METAP1: variants seen among roughly 807,000 people sequenced by gnomAD.
The protein encoded by METAP1 is methionyl aminopeptidase 1, also known as methionine aminopeptidase 1.
A neutral mutation model predicts 53.8 loss-of-function variants in METAP1; 28 were observed. The observed-to-expected ratio is 0.52, with a 90% confidence interval of 0.39 to 0.71. The LOEUF (loss-of-function observed/expected upper bound fraction) is 0.71. Among genes scored for constraint, METAP1 ranks in the 30% least tolerant of loss-of-function variants. The pLI is 0.00. For synonymous variants in METAP1, 181 were observed against 165.7 expected (o/e 1.09, Z -0.71); for missense variants, 389 against 479.8 (o/e 0.81, Z 1.77).
chr4:99,022,726 GC>G lies in METAP1; in HGVS notation c.115-6140del, dbSNP rs112004235. 767 of 1,554,180 alleles carry G rather than the reference GC, an allele frequency of 4.9e-4. 5 individuals carry two copies. In the African/African-American group the frequency reaches 9.2e-3, roughly 19 times the overall value. On this transcript the variant is annotated intron_variant, in intron 1 of 10. Transcript: ENST00000296411. Reference sequence around the variant, plus strand: ...GATTCCATAGGTCATAATGGGAGGGGCTGCACCTGTGGGTACCCATAGGCGT... The same window carrying G: ...GATTCCATAGGTCATAATGGGAGGGGTGCACCTGTGGGTACCCATAGGCGT...
intron 1 of METAP1, among the ~76,000 whole-genome samples, chr4:98,997,890 C>A (rs1056572492): frequency 2.0e-5 from 3 of 152,200 alleles, no homozygotes; most frequent in Non-Finnish European, 4.4e-5. Context: ...TAAAATTTCC[C>A]ACCAAATCAG....
intron 2 of METAP1, among the ~76,000 whole-genome samples, chr4:99,032,818 A>C (rs1348065251): frequency 6.6e-6 from 1 of 152,150 alleles, no homozygotes; most frequent in Non-Finnish European, 1.5e-5. Flanking sequence ...CAGTGAATGA[A>C]GTTTGTTTTT....
At chr4:99,060,081 T>C (rs952821551) in intron 10 of METAP1, among the ~76,000 whole-genome samples, 5 of 152,120 alleles carry the variant, frequency 3.3e-5, no homozygotes, top group Non-Finnish European at 5.9e-5. Context: ...AGAGCTAAAT[T>C]CATTCAAGTT....
intron 1 of METAP1, among the ~76,000 whole-genome samples, chr4:99,009,698 C>T (rs762257910): frequency 3.9e-5 from 6 of 151,938 alleles, no homozygotes; most frequent in Non-Finnish European, 8.8e-5. Context: ...AGTCTTTTGC[C>T]CATTTTAAAA....
intron 1 of METAP1, among the ~76,000 whole-genome samples, chr4:99,016,344 A>G (rs910964108): frequency 4.6e-5 from 7 of 152,216 alleles, no homozygotes; most frequent in African/African-American, 1.2e-4. Flanking sequence ...CATTTGGTCC[A>G]TCGTAGATGA....
chr4:99,061,055 A>T, intron 10 of METAP1, 99 bp from the exon 11 acceptor site: 1 of 1,259,328 alleles, frequency 7.9e-7, no homozygotes, highest in Non-Finnish European at 1.1e-6. Context: ...TTGGCATGTA[A>T]ATAAGGATCT....
intron 1 of METAP1, among the ~76,000 whole-genome samples, chr4:98,999,204 G>C (rs1722801438): frequency 6.6e-6 from 1 of 152,132 alleles, no homozygotes; most frequent in Non-Finnish European, 1.5e-5. Flanking sequence ...TCTGTATGCA[G>C]TAGGTGGCCA....
At chr4:99,045,146 G>A (rs767859569) in intron 7 of METAP1, 33 bp from the exon 8 acceptor site, 17 of 1,599,354 alleles carry the variant, frequency 1.1e-5, no homozygotes, top group Non-Finnish European at 1.5e-5. Context: ...ATGAAAATAA[G>A]TATGGTCTTT....
intron 5 of METAP1, 65 bp downstream of exon 5, chr4:99,039,530 G>A: frequency 1.1e-6 from 1 of 944,810 alleles, no homozygotes; most frequent in Non-Finnish European, 1.7e-6. Flanking sequence ...TGAAGTCAGT[G>A]GTTTGCTGAT....
At chr4:99,057,022 C>T (rs1727190664) in intron 9 of METAP1, among the ~76,000 whole-genome samples, 1 of 152,072 alleles carries the variant, frequency 6.6e-6, no homozygotes, top group African/African-American at 2.4e-5. Context: ...CACGCCACCA[C>T]ACCTGGCTAA....
At chr4:99,022,451 G>A in intron 1 of METAP1, 1 of 632,596 alleles carries the variant, frequency 1.6e-6, no homozygotes, top group Non-Finnish European at 2.8e-6. Flanking sequence ...CCTACTGGCT[G>A]TGCTGCTTTC....
chr4:99,016,235 G>C (rs1723758696), intron 1 of METAP1, among the ~76,000 whole-genome samples: 1 of 152,204 alleles, frequency 6.6e-6, no homozygotes, highest in Admixed American at 6.5e-5. Flanking sequence ...CACATCAGCT[G>C]AGGAATGTAA....
chr4:99,058,236 T>G (rs1047406473), intron 10 of METAP1, among the ~76,000 whole-genome samples: 10 of 152,150 alleles, frequency 6.6e-5, no homozygotes, highest in Admixed American at 5.2e-4. Context: ...ATTTATAAGG[T>G]AGGTGTTACC....
intron 1 of METAP1, among the ~76,000 whole-genome samples, chr4:98,996,188 G>C (rs934322906): frequency 3.3e-5 from 5 of 152,130 alleles, no homozygotes; most frequent in Admixed American, 6.5e-5. Flanking sequence ...CCCGCGCTGG[G>C]GCGGGGGCCG....
At chr4:99,023,627 A>G (rs1266305289) in intron 1 of METAP1, 1 of 985,426 alleles carries the variant, frequency 1.0e-6, no homozygotes, top group Non-Finnish European at 1.2e-6. Flanking sequence ...AAACCATTTA[A>G]TGTTAATTCT....
At position 99,007,781 on chromosome 4, in the gene METAP1, A is replaced by G. The variant is rs139187858; in HGVS notation, c.114+11914A>G. Among the ~76,000 whole-genome samples, 1,097 of 152,298 alleles carry G rather than the reference A, an allele frequency of 7.2e-3. 9 individuals carry two copies. Among genetic ancestry groups the G allele is most frequent in the African/African-American group, 0.025 (1,036 of 41,540 alleles). On this transcript the variant is annotated intron_variant, in intron 1 of 10. Coordinates refer to ENST00000296411, the MANE Select transcript of METAP1 (RefSeq NM_015143.3). ...TGTTATCACCTTTAAAGTGGCTTCTATATCCTTTTGAGTCTCCTCCATTAC... is the reference window on the plus strand; with the variant it reads ...TGTTATCACCTTTAAAGTGGCTTCTGTATCCTTTTGAGTCTCCTCCATTAC...
Position 99,034,275 on chromosome 4 carries a change from G to A in METAP1, c.212G>A (p.Gly71Asp). 1.3e-6 allele frequency: 2 copies of A among 1,550,786 alleles called. No homozygotes were observed. Among genetic ancestry groups the A allele is most frequent in the Non-Finnish European group, 1.7e-6 (2 of 1,146,162 alleles). ...KREVSSWTVE[G>D]DINTDPWAGY... is the part of the protein sequence containing the mutation. ...GAAGTGTCTTCCTGGACTGTGGAAG[G>A]TGATATTAATACTGACCCATGGGCA... The change falls in exon 3 of 11, where the codon GGT (glycine) becomes GAT (aspartate). Residue 71 changes from glycine (G) to aspartate (D), a missense_variant. Gly to Asp is a moderately conservative substitution (Grantham distance 94, BLOSUM62 -1). Coordinates refer to ENST00000296411, the MANE Select transcript of METAP1 (RefSeq NM_015143.3).
chr4:99,011,514 G>A (rs1723465545), intron 1 of METAP1, among the ~76,000 whole-genome samples: 1 of 152,066 alleles, frequency 6.6e-6, no homozygotes, highest in Non-Finnish European at 1.5e-5. Context: ...ACTTGGTCAT[G>A]GTGTATAGTC....
chr4:99,012,044 G>C (rs1016853298), intron 1 of METAP1, among the ~76,000 whole-genome samples: 2 of 152,076 alleles, frequency 1.3e-5, no homozygotes, highest in Non-Finnish European at 2.9e-5. Context: ...TCTAGCTAAG[G>C]GTTGGCCACT....
Sources: allele counts gnomAD v4.1 joint callset (sites outside exome capture counted in the v4.1 genomes callset), GRCh38; gene constraint gnomAD v4.1.1; transcripts MANE v1.5; gene names NCBI Gene and HGNC (gene_info 2026-07-23, HGNC 2026-07-21).